The following LYST variants were observed in gnomAD, a reference collection of about 807,000 sequenced individuals.
LYST encodes lysosomal-trafficking regulator.
In LYST, 192 loss-of-function variants were observed where a neutral mutation model predicts 413.6. The observed-to-expected ratio is 0.46, with a 90% CI of 0.41 to 0.52. The LOEUF is 0.52. LYST is among the 20% of genes least tolerant of loss of function. The pLI is 0.00. For missense variants in LYST, 3,815 were observed against 4,499.9 expected, an observed-to-expected ratio of 0.85 and a Z score of 4.35; for synonymous variants, 1,525 against 1,567.3, an observed-to-expected ratio of 0.97 and a Z score of 0.64.
rs2275856 is a variant in LYST, at chr1:235,709,365, T to C, written c.9926-57A>G. 552,016 of 1,366,390 alleles carry C rather than the reference T, an allele frequency of 0.4. 122,664 individuals carry two copies. The highest frequency in any genetic ancestry group is 0.83 in the African/African-American group (57,463 of 69,562). The allele number at this position is 1,366,390 out of a possible 1,614,324, so 84.6% of individuals were successfully genotyped here. A position where few individuals can be genotyped will look rare whatever the true frequency, so the allele number is the denominator to read the frequency against. On this transcript the variant is annotated intron_variant, in intron 43 of 52. Coordinates refer to ENST00000389793, the MANE Select transcript of LYST (RefSeq NM_000081.4). ...TCCCCCACAGCAAGTTTCATTCAGC[T>C]ACAGAGCAGGTCTTAAGAGTTCACA...
intron 1 of LYST, among the ~76,000 whole-genome samples, chr1:235,838,349 G>A (rs1332808523): frequency 6.6e-6 from 1 of 152,152 alleles, no homozygotes; most frequent in East Asian, 1.9e-4. Flanking sequence ...ATGTTCCCAA[G>A]TATAGAATGG....
At chr1:235,738,272 G>T (rs1292056063) in intron 31 of LYST, 18 of 1,611,304 alleles carry the variant, frequency 1.1e-5, no homozygotes, top group Non-Finnish European at 1.4e-5. Flanking sequence ...ACTCCAAGCT[G>T]GTCACTATCA....
At chr1:235,862,541 A>T (rs1322822524) in intron 1 of LYST, among the ~76,000 whole-genome samples, 2 of 152,058 alleles carry the variant, frequency 1.3e-5, no homozygotes, top group East Asian at 3.9e-4. Flanking sequence ...CATGCCTGTA[A>T]TCCCAGCACT....
At chr1:235,844,171 A>C (rs1677524118) in intron 1 of LYST, among the ~76,000 whole-genome samples, 1 of 152,200 alleles carries the variant, frequency 6.6e-6, no homozygotes, top group Admixed American at 6.5e-5. Context: ...CCAGCTCTCC[A>C]GAGTTTAATA....
chr1:235,800,388 T>C lies in LYST; in HGVS notation c.3940-2A>G. On this transcript the variant is annotated splice_acceptor_variant, in intron 9 of 52. Coordinates refer to ENST00000389793, the MANE Select transcript of LYST (RefSeq NM_000081.4). LOFTEE classifies it high-confidence loss of function. ...TCCTAAAAGATTTTTCACAGTTCCC[T>C]GAAGATTAAAAAAAATACAAAATTA... The C allele has an allele frequency of 2.6e-6, 4 of 1,527,380 alleles. No individual in the cohort carries two copies. The highest frequency in any genetic ancestry group is 3.6e-6 in the Non-Finnish European group (4 of 1,101,318). The allele number at this position is 1,527,380 out of a possible 1,614,324, so 94.6% of individuals were successfully genotyped here.
At chr1:235,824,792 C>A (rs531534033) in intron 3 of LYST, among the ~76,000 whole-genome samples, 1 of 152,142 alleles carries the variant, frequency 6.6e-6, no homozygotes, top group South Asian at 2.1e-4. Flanking sequence ...GTGGCTGAGG[C>A]GGGTGGATCA....
Position 235,759,599 on chromosome 1 carries a change from C to T in LYST, c.6254G>A (p.Gly2085Glu). ...TGGAATAATATTAGAGGAATTCTCT[C>T]CTGGTAAGAGTAGATACAAAAATAC... ...PSGFTASPYE[G>E]ENSSNIIPQQ... is the part of the protein sequence containing the mutation. Residue 2085 changes from glycine (G) to glutamate (E), a missense_variant and splice_region_variant, in exon 23 of 53, where the codon GGA becomes GAA. Physicochemically the swap from Gly to Glu is moderately conservative, Grantham distance 98. Around this residue, in one of 4 missense-constraint regions of LYST, gnomAD observed 530 missense variants for 696.5 expected, o/e 0.76. Coordinates refer to ENST00000389793, the MANE Select transcript of LYST (RefSeq NM_000081.4). 6.2e-7 allele frequency: 1 copy of T among 1,611,278 alleles called. No individual in the cohort carries two copies. Among genetic ancestry groups the T allele is most frequent in the Non-Finnish European group, 8.5e-7 (1 of 1,177,700 alleles).
chr1:235,873,195 T>C (rs142194685), intron 1 of LYST, among the ~76,000 whole-genome samples: 2 of 152,308 alleles, frequency 1.3e-5, no homozygotes, highest in Non-Finnish European at 2.9e-5. Context: ...TCAGAAACTA[T>C]TTCCTTGAGA....
chr1:235,791,509 C>T (rs955235329), intron 12 of LYST, 190 bp downstream of exon 12: 2 of 592,146 alleles, frequency 3.4e-6, no homozygotes, highest in African/African-American at 1.9e-5. Flanking sequence ...CTAAAGTTTC[C>T]GTAATAGAGA....
rs750783161 is a variant in LYST, at chr1:235,830,427, A to T, written c.-7-3T>A. ...TACTGTCGGTGCTCATGACCGAGCT[A>T]TAAAATAAGTATTACAAAAAAAAAA... On this transcript the variant is annotated splice_polypyrimidine_tract_variant and splice_region_variant and intron_variant, in intron 2 of 52. Transcript: ENST00000389793. 6.3e-7 allele frequency: 1 copy of T among 1,598,908 alleles called. No homozygotes were observed. Among genetic ancestry groups the T allele is most frequent in the South Asian group, 1.1e-5 (1 of 89,348 alleles).
chr1:235,681,646 A>G (rs1461676330), intron 48 of LYST, among the ~76,000 whole-genome samples: 2 of 151,918 alleles, frequency 1.3e-5, no homozygotes, highest in Non-Finnish European at 2.9e-5. Flanking sequence ...GACAGGTTTG[A>G]CTCATTTCTA....
intron 3 of LYST, among the ~76,000 whole-genome samples, chr1:235,813,706 G>A (rs1673733751): frequency 6.6e-6 from 1 of 152,194 alleles, no homozygotes; most frequent in Non-Finnish European, 1.5e-5. Flanking sequence ...TGTAGTATGA[G>A]TAAGTATCCA....
At position 235,693,453 on chromosome 1, in the gene LYST, C is replaced by T; in HGVS notation, c.10598G>A (p.Trp3533Ter). 1 of 1,613,554 alleles carries T rather than the reference C, an allele frequency of 6.2e-7. No homozygotes were observed. The highest frequency in any genetic ancestry group is 8.5e-7 in the Non-Finnish European group (1 of 1,179,478). Reference sequence around the variant, plus strand: ...ATATCCCCAGCTCAGGATGGCTGACCACTGAATGTCCGTACTGTTCATGCT... The same window carrying T: ...ATATCCCCAGCTCAGGATGGCTGACTACTGAATGTCCGTACTGTTCATGCT... ...VRSMNSTDIQWSAILSWGYAD... is the reference protein window; with the variant it reads ...VRSMNSTDIQ The change falls in exon 47 of 53, where the codon TGG (tryptophan) becomes TAG (stop). Residue 3533 changes from tryptophan (W) to a stop codon, truncating the protein, a stop_gained. Transcript: ENST00000389793. LOFTEE classifies it high-confidence loss of function.
chr1:235,813,546 T>C (rs1336136578), intron 3 of LYST, among the ~76,000 whole-genome samples: 1 of 152,230 alleles, frequency 6.6e-6, no homozygotes, highest in African/African-American at 2.4e-5. Flanking sequence ...TTAGTGAATG[T>C]AATCCAATAA....
chr1:235,711,472 T>A (rs900313410), intron 43 of LYST, among the ~76,000 whole-genome samples: 4 of 152,196 alleles, frequency 2.6e-5, no homozygotes, highest in Non-Finnish European at 5.9e-5. Flanking sequence ...AAGGATCACA[T>A]AAAATTATAG....
intron 1 of LYST, among the ~76,000 whole-genome samples, chr1:235,836,166 T>C (rs571511743): frequency 6.6e-6 from 1 of 152,330 alleles, no homozygotes; most frequent in East Asian, 1.9e-4. Context: ...CAAACACTGA[T>C]TTAATGTATT....
intron 12 of LYST, among the ~76,000 whole-genome samples, chr1:235,790,464 T>C (rs140337815): frequency 1.3e-3 from 204 of 152,356 alleles, no homozygotes; most frequent in African/African-American, 4.7e-3. Flanking sequence ...GCACATTAGA[T>C]AGCATAATAA....
At position 235,854,080 on chromosome 1, in the gene LYST, A is replaced by G. The variant is rs189010532; in HGVS notation, c.-98+12763T>C. Among the ~76,000 whole-genome samples the G allele has an allele frequency of 6.2e-4, 94 of 152,266 alleles. No individual in the cohort carries two copies. The highest frequency in any genetic ancestry group is 2.2e-3 in the African/African-American group (92 of 41,546). The stretch of plus-strand genomic sequence containing the variant: ...CTAGATGTTTTACACTGACTACTAC[A>G]TCCCTCCTCAAAAGAGACCTTTGGA... On this transcript the variant is annotated intron_variant, in intron 1 of 52. Transcript: ENST00000389793. The surrounding 1 kb of genome is among the most constrained non-coding windows in gnomAD (Gnocchi z 4.1).
chr1:235,725,329 G>A (rs1029126658), intron 38 of LYST, among the ~76,000 whole-genome samples: 1 of 152,150 alleles, frequency 6.6e-6, no homozygotes, highest in African/African-American at 2.4e-5. Flanking sequence ...AGCTACTCGG[G>A]AGGCTGAGGC....
Sources: gnomAD v4.1 joint callset for allele counts (sites outside exome capture counted in the v4.1 genomes callset) on GRCh38, gnomAD v4.1.1 for gene constraint, gnomAD v4.1.1 regional missense constraint, Gnocchi (gnomAD v3.1) non-coding constraint, MANE v1.5 for transcripts, NCBI Gene and HGNC (gene_info 2026-07-23, HGNC 2026-07-21) for gene names.